Variants in TAS2R1 observed in about 807,000 individuals in gnomAD.
TAS2R1 encodes taste receptor type 2 member 1.
For missense variants in TAS2R1, 370 were observed against 353.4 expected, an observed-to-expected ratio of 1.05 and a Z score of -0.38; for synonymous variants, 141 against 134.2, an observed-to-expected ratio of 1.05 and a Z score of -0.35.
the TAS2R1 span, among the ~76,000 whole-genome samples, chr5:9,903,345 T>C: frequency 2.6e-5 from 4 of 152,166 alleles, no homozygotes; most frequent in East Asian, 3.9e-4. Flanking sequence ...TTTTTTCCAA[T>C]AGGTTTTTGG....
At chr5:9,725,963 T>C in the TAS2R1 span, among the ~76,000 whole-genome samples, 6 of 150,082 alleles carry the variant, frequency 4.0e-5, no homozygotes, top group Admixed American at 6.6e-5. Context: ...GGATTGTAAA[T>C]ACACCAATCG....
At chr5:9,830,597 G>A in the TAS2R1 span, among the ~76,000 whole-genome samples, 5 of 63,460 alleles carry the variant, frequency 7.9e-5, no homozygotes, top group Admixed American at 1.8e-4. Flanking sequence ...AGATAGACAC[G>A]TGCGCGCGCA....
intron 1 of TAS2R1, among the ~76,000 whole-genome samples, chr5:9,707,452 C>T (rs1475682028): frequency 6.6e-6 from 1 of 152,204 alleles, no homozygotes; most frequent in Non-Finnish European, 1.5e-5. Context: ...AAACACACAG[C>T]CAGAGCAAAG....
rs1363328088 is a variant in TAS2R1 at position 9,629,441 on chromosome 5, T to C, written c.592A>G (p.Ile198Val). ...CGGGTGTGCCTCCCCAGAGAGAAAA[T>C]CAAGAGCAAAACAGCAAAAAGGAAG... ...LIFLFAVLLL[I>V]FSLGRHTRQM... Residue 198 changes from isoleucine (I) to valine (V), a missense_variant, in exon 1 of 1, where the codon ATT becomes GTT. Ile to Val is a conservative substitution (Grantham distance 29, BLOSUM62 3). Transcript: ENST00000382492. 1 of 1,613,676 alleles carries C rather than the reference T, an allele frequency of 6.2e-7. No homozygotes were observed. Among genetic ancestry groups the C allele is most frequent in the Non-Finnish European group, 8.5e-7 (1 of 1,179,944 alleles).
At chr5:9,865,239 A>G in the TAS2R1 span, among the ~76,000 whole-genome samples, 6 of 152,120 alleles carry the variant, frequency 3.9e-5, no homozygotes, top group East Asian at 7.7e-4. Flanking sequence ...GAATGGAGAG[A>G]AGGACACAAA....
chr5:9,854,244 T>A, the TAS2R1 span: 2 of 151,836 alleles, frequency 1.3e-5, no homozygotes, highest in Middle Eastern at 3.4e-3. Context: ...TGTGTGTGTC[T>A]CTCTGTGCAT....
At chr5:9,731,518 C>T in the TAS2R1 span, among the ~76,000 whole-genome samples, 1 of 152,168 alleles carries the variant, frequency 6.6e-6, no homozygotes, top group Non-Finnish European at 1.5e-5. Flanking sequence ...TCCTAGGTGG[C>T]CATCCGCCCA....
chr5:9,629,420 T>C lies in TAS2R1; in HGVS notation c.613A>G (p.Thr205Ala), dbSNP rs1739824954. ...GCCACTGTGTTTCTCATTTGCCGGG[T>C]GTGCCTCCCCAGAGAGAAAATCAAG... The part of the protein sequence containing the change: ...LLLIFSLGRH[T>A]RQMRNTVAGS... The change falls in exon 1 of 1, where the codon ACC (threonine) becomes GCC (alanine). Residue 205 changes from threonine (T) to alanine (A), a missense_variant. Coordinates refer to ENST00000382492, the MANE Select transcript of TAS2R1 (RefSeq NM_019599.3). 1.2e-6 allele frequency: 2 copies of C among 1,613,964 alleles called. No homozygotes were observed. Among genetic ancestry groups the C allele is most frequent in the Non-Finnish European group, 1.7e-6 (2 of 1,180,018 alleles).
the TAS2R1 span, among the ~76,000 whole-genome samples, chr5:9,839,850 T>A: frequency 6.6e-6 from 1 of 152,206 alleles, no homozygotes; most frequent in African/African-American, 2.4e-5. Context: ...ATTTAACTAT[T>A]CTTATCTCAG....
intron 1 of TAS2R1, among the ~76,000 whole-genome samples, chr5:9,710,906 T>TATAA (rs1554054919): frequency 3.9e-4 from 57 of 146,392 alleles, no homozygotes; most frequent in African/African-American, 1.4e-3. Flanking sequence ...CATATATATA[T>TATAA]AACCAGATTA....
At chr5:9,770,750 G>A in the TAS2R1 span, among the ~76,000 whole-genome samples, 1 of 151,982 alleles carries the variant, frequency 6.6e-6, no homozygotes, top group South Asian at 2.1e-4. Flanking sequence ...TGTTACTTTT[G>A]TATCCTGCAA....
At chr5:9,723,548 C>T in the TAS2R1 span, among the ~76,000 whole-genome samples, 16 of 152,328 alleles carry the variant, frequency 1.1e-4, no homozygotes, top group African/African-American at 1.4e-4. Flanking sequence ...TCCCAGGGCT[C>T]CTTCCATTAG....
At chr5:9,851,050 G>A in the TAS2R1 span, among the ~76,000 whole-genome samples, 1 of 152,166 alleles carries the variant, frequency 6.6e-6, no homozygotes. Context: ...GCATTTTTCA[G>A]GAGCAGCTAA....
At chr5:9,854,475 T>C in the TAS2R1 span, 1 of 152,180 alleles carries the variant, frequency 6.6e-6, no homozygotes, top group Non-Finnish European at 1.5e-5. Flanking sequence ...TAACAGTCTG[T>C]AGCGTCTTCT....
At chr5:9,720,206 T>G in the TAS2R1 span, among the ~76,000 whole-genome samples, 4 of 152,248 alleles carry the variant, frequency 2.6e-5, no homozygotes. Flanking sequence ...TCTTGCTGTA[T>G]GCCAACCAAC....
intron 1 of TAS2R1, among the ~76,000 whole-genome samples, chr5:9,709,871 T>C (rs981014558): frequency 2.0e-5 from 3 of 152,244 alleles, no homozygotes; most frequent in Non-Finnish European, 4.4e-5. Flanking sequence ...TTATTTTAAG[T>C]CACTAAATTT....
At chr5:9,750,340 T>C in the TAS2R1 span, among the ~76,000 whole-genome samples, 1 of 152,198 alleles carries the variant, frequency 6.6e-6, no homozygotes, top group African/African-American at 2.4e-5. Context: ...TCTTAAAACA[T>C]AGCCCACACC....
intron 1 of TAS2R1, among the ~76,000 whole-genome samples, chr5:9,663,870 C>T (rs2126497541): frequency 6.6e-6 from 1 of 152,254 alleles, no homozygotes; most frequent in South Asian, 2.1e-4. Context: ...GAAGGCTGTG[C>T]ACAGACAGAG....
the TAS2R1 span, among the ~76,000 whole-genome samples, chr5:9,901,230 C>T: frequency 3.3e-5 from 5 of 150,216 alleles, no homozygotes; most frequent in African/African-American, 4.9e-5. Context: ...ATGAATGTCA[C>T]AGTCTAGAGA....
Sources: gnomAD v4.1 joint callset for allele counts (sites outside exome capture counted in the v4.1 genomes callset) on GRCh38, gnomAD v4.1.1 for gene constraint, MANE v1.5 for transcripts, NCBI Gene and HGNC (gene_info 2026-07-23, HGNC 2026-07-21) for gene names.